TPST1: variants seen among roughly 807,000 people sequenced by gnomAD.
TPST1 encodes the protein protein-tyrosine sulfotransferase 1.
A neutral mutation model predicts 34.8 loss-of-function variants in TPST1; 20 were observed. That is an observed-to-expected ratio of 0.57 (90% CI 0.40 to 0.84). The LOEUF is 0.84. Ranked by LOEUF, TPST1 falls within the 40% of genes least tolerant of loss-of-function variation. The probability of loss-of-function intolerance (pLI) is 0.00; values close to 1 mark genes in which losing one functional copy is unlikely to be tolerated. For synonymous variants in TPST1, 152 were observed against 159.4 expected, an observed-to-expected ratio of 0.95 and a Z score of 0.35; for missense variants, 353 against 455.5, an observed-to-expected ratio of 0.78 and a Z score of 2.05.
intron 1 of TPST1, among the ~76,000 whole-genome samples, chr7:66,239,717 A>G (rs969146878): frequency 6.6e-6 from 1 of 152,208 alleles, no homozygotes; most frequent in Admixed American, 6.5e-5. Flanking sequence ...ACTGATAGAA[A>G]TAGTTTTATT....
chr7:66,320,959 T>A (rs1791744745), intron 3 of TPST1, among the ~76,000 whole-genome samples: 1 of 152,236 alleles, frequency 6.6e-6, no homozygotes, highest in African/African-American at 2.4e-5. Flanking sequence ...ACTTTTTGAC[T>A]CTGTTTTAAT....
intron 2 of TPST1, among the ~76,000 whole-genome samples, chr7:66,285,165 G>A (rs1791010456): frequency 6.6e-6 from 1 of 152,088 alleles, no homozygotes; most frequent in Admixed American, 6.5e-5. Flanking sequence ...TTGGATTTTA[G>A]AAAAGTAATA....
intron 2 of TPST1, among the ~76,000 whole-genome samples, chr7:66,282,783 A>G (rs981478124): frequency 1.4e-4 from 21 of 152,346 alleles, no homozygotes; most frequent in African/African-American, 4.8e-4. Flanking sequence ...ACCTCCTTGA[A>G]GATTGGGACT....
At chr7:66,343,672 C>A (rs180852022) in intron 3 of TPST1, among the ~76,000 whole-genome samples, 3 of 152,324 alleles carry the variant, frequency 2.0e-5, no homozygotes, top group Non-Finnish European at 4.4e-5. Context: ...GGACTTTTTA[C>A]CGCAGTTTCT....
At chr7:66,297,401 T>C (rs1054234349) in intron 3 of TPST1, among the ~76,000 whole-genome samples, 1 of 152,206 alleles carries the variant, frequency 6.6e-6, no homozygotes, top group African/African-American at 2.4e-5. Flanking sequence ...TGAGCAGGAA[T>C]CCACCTTGAG....
At chr7:66,208,708 G>C (rs1177100193) in intron 1 of TPST1, among the ~76,000 whole-genome samples, 4 of 151,864 alleles carry the variant, frequency 2.6e-5, no homozygotes, top group Non-Finnish European at 5.9e-5. Context: ...ACCTCAAGCA[G>C]TCTGCCTGCC....
At chr7:66,250,283 A>G (rs1790236317) in intron 2 of TPST1, among the ~76,000 whole-genome samples, 1 of 152,176 alleles carries the variant, frequency 6.6e-6, no homozygotes, top group Non-Finnish European at 1.5e-5. Context: ...GAAGTTGAGG[A>G]GCTTGTCCTC....
At chr7:66,266,094 A>C (rs894888517) in intron 2 of TPST1, among the ~76,000 whole-genome samples, 2 of 152,222 alleles carry the variant, frequency 1.3e-5, no homozygotes, top group African/African-American at 4.8e-5. Flanking sequence ...TTAACTTAGC[A>C]CTGGCCCAAG....
At chr7:66,325,868 T>C (rs575862510) in intron 3 of TPST1, among the ~76,000 whole-genome samples, 1 of 152,286 alleles carries the variant, frequency 6.6e-6, no homozygotes, top group South Asian at 2.1e-4. Flanking sequence ...ACTCCTGAGC[T>C]CGTGATCTGC....
chr7:66,356,916 G>T, intron 5 of TPST1, 45 bp downstream of exon 5: 2 of 1,604,774 alleles, frequency 1.2e-6, no homozygotes, highest in Non-Finnish European at 1.7e-6. Context: ...TTCCCACTCG[G>T]GCTCTTGCAG....
chr7:66,331,920 C>T (rs915435764), intron 3 of TPST1, among the ~76,000 whole-genome samples: 4 of 152,042 alleles, frequency 2.6e-5, no homozygotes, highest in Admixed American at 6.6e-5. Flanking sequence ...GTTGTTCTTG[C>T]CTTATGAGAC....
chr7:66,323,800 G>A (rs1791806672), intron 3 of TPST1, among the ~76,000 whole-genome samples: 1 of 152,046 alleles, frequency 6.6e-6, no homozygotes, highest in Non-Finnish European at 1.5e-5. Context: ...CACACCCACC[G>A]GGATGCTTAT....
chr7:66,355,352 G>T (rs1325316479), intron 4 of TPST1, among the ~76,000 whole-genome samples: 5 of 151,564 alleles, frequency 3.3e-5, no homozygotes, highest in Non-Finnish European at 1.5e-5. Flanking sequence ...TTGGGCACCT[G>T]TAATCCCAGC....
chr7:66,346,490 G>A (rs1044263569), intron 3 of TPST1, among the ~76,000 whole-genome samples: 4 of 152,106 alleles, frequency 2.6e-5, no homozygotes, highest in East Asian at 1.9e-4. Flanking sequence ...ACCAGCATTC[G>A]TTATTGCCTG....
chr7:66,352,714 G>A (rs576410320), intron 4 of TPST1, 159 bp downstream of exon 4: 105 of 985,412 alleles, frequency 1.1e-4, no homozygotes, highest in African/African-American at 2.4e-4. Flanking sequence ...AAAGATCAGC[G>A]TCTGGGACTT....
intron 1 of TPST1, among the ~76,000 whole-genome samples, chr7:66,234,972 C>T (rs755390596): frequency 7.9e-5 from 12 of 152,084 alleles, no homozygotes; most frequent in African/African-American, 1.7e-4. Context: ...CGCGCCCAGC[C>T]GGAAGCTTTC....
chr7:66,356,692 C>G, intron 4 of TPST1, 133 bp from the exon 5 acceptor site: 1 of 972,714 alleles, frequency 1.0e-6, no homozygotes, highest in Non-Finnish European at 1.6e-6. Flanking sequence ...CTTGAGCATA[C>G]CACAGTAGTG....
chr7:66,266,278 TA>T (rs536062105), intron 2 of TPST1, among the ~76,000 whole-genome samples: 455 of 135,090 alleles, frequency 3.4e-3, no homozygotes, highest in Admixed American at 3.4e-3. Context: ...CTAATTCTAC[TA>T]AAAAAAAAAA....
intron 3 of TPST1, among the ~76,000 whole-genome samples, chr7:66,328,904 A>ATT (rs1350334573): frequency 0.068 from 1,752 of 25,902 alleles, 111 homozygotes; most frequent in Non-Finnish European, 0.088. Flanking sequence ...ATATATATAT[A>ATT]TATTTTTTTT....
Sources: gnomAD v4.1 joint callset for allele counts (sites outside exome capture counted in the v4.1 genomes callset) on GRCh38, gnomAD v4.1.1 for gene constraint, MANE v1.5 for transcripts, NCBI Gene and HGNC (gene_info 2026-07-23, HGNC 2026-07-21) for gene names.